SPOCK1: variants seen among roughly 807,000 people sequenced by gnomAD.
SPOCK1 encodes testican-1.
SPOCK1 carries 23 observed loss-of-function variants against 55.3 expected under a neutral mutation model. The ratio of observed to expected loss-of-function variants is 0.42; its 90% confidence interval spans 0.30 to 0.59. SPOCK1 has a LOEUF of 0.59. SPOCK1 is among the 20% of genes least tolerant of loss of function. SPOCK1 has a pLI of 0.22. For missense variants in SPOCK1, 499 were observed against 552.5 expected (o/e 0.90, Z 0.97); for synonymous variants, 226 against 221.0 (o/e 1.02, Z -0.20).
intron 6 of SPOCK1, among the ~76,000 whole-genome samples, chr5:137,066,987 C>CACACACACAGAGAGAGAGAG (rs1343691789): frequency 5.2e-4 from 73 of 139,642 alleles, no homozygotes; most frequent in Middle Eastern, 7.6e-3. Flanking sequence ...CACACACACA[C>CACACACACAGAGAGAGAGAG]AGAGAGAGAG....
chr5:137,207,192 C>A (rs995503377), intron 3 of SPOCK1, among the ~76,000 whole-genome samples: 2 of 152,204 alleles, frequency 1.3e-5, no homozygotes, highest in Non-Finnish European at 2.9e-5. Context: ...TGATGAGTTC[C>A]TTCCACGCCT....
At chr5:137,285,613 C>T (rs1416700712) in intron 2 of SPOCK1, among the ~76,000 whole-genome samples, 2 of 152,240 alleles carry the variant, frequency 1.3e-5, no homozygotes, top group Non-Finnish European at 2.9e-5. Flanking sequence ...ACTATTAGCA[C>T]AGAAGGTCCT....
chr5:137,474,142 T>TGGTGCAGCGC (rs1753790127), intron 2 of SPOCK1, among the ~76,000 whole-genome samples: 1 of 151,806 alleles, frequency 6.6e-6, no homozygotes, highest in Non-Finnish European at 1.5e-5. Context: ...CGGTGCAGCG[T>TGGTGCAGCGC]ATGGTGCACC....
At chr5:137,375,027 T>C (rs575959362) in intron 2 of SPOCK1, among the ~76,000 whole-genome samples, 1 of 152,280 alleles carries the variant, frequency 6.6e-6, no homozygotes, top group Non-Finnish European at 1.5e-5. Context: ...TTTATCTGTT[T>C]CCTATGAATG....
intron 2 of SPOCK1, among the ~76,000 whole-genome samples, chr5:137,377,776 C>T (rs1349023279): frequency 6.6e-6 from 1 of 152,122 alleles, no homozygotes; most frequent in Non-Finnish European, 1.5e-5. Context: ...AACCCCTTGA[C>T]ATTCTCTACA....
intron 2 of SPOCK1, among the ~76,000 whole-genome samples, chr5:137,414,437 T>C (rs1639036274): frequency 6.6e-6 from 1 of 152,242 alleles, no homozygotes; most frequent in Non-Finnish European, 1.5e-5. Context: ...TAAATTCACT[T>C]ATTCAGTAGA....
At chr5:137,304,894 A>G (rs1384018560) in intron 2 of SPOCK1, among the ~76,000 whole-genome samples, 1 of 152,096 alleles carries the variant, frequency 6.6e-6, no homozygotes, top group East Asian at 1.9e-4. Flanking sequence ...GGGAGAGTGC[A>G]TCAGCTTCCT....
chr5:137,493,368 G>C (rs1437268087), intron 2 of SPOCK1, among the ~76,000 whole-genome samples: 2 of 152,174 alleles, frequency 1.3e-5, no homozygotes, highest in African/African-American at 2.4e-5. Context: ...TCCATTTGGA[G>C]CCACTTCTTG....
intron 2 of SPOCK1, among the ~76,000 whole-genome samples, chr5:137,303,459 C>T (rs1236196808): frequency 1.3e-5 from 2 of 152,146 alleles, no homozygotes; most frequent in African/African-American, 4.8e-5. Flanking sequence ...AATCTTCACA[C>T]ATAGACACAC....
intron 2 of SPOCK1, among the ~76,000 whole-genome samples, chr5:137,488,919 C>G (rs939657436): frequency 2.6e-5 from 4 of 152,158 alleles, no homozygotes; most frequent in Non-Finnish European, 4.4e-5. Flanking sequence ...CCCTTCCTCC[C>G]TTTCCCCAAA....
intron 2 of SPOCK1, among the ~76,000 whole-genome samples, chr5:137,281,595 T>C (rs1205218199): frequency 6.6e-6 from 1 of 152,150 alleles, no homozygotes; most frequent in African/African-American, 2.4e-5. Context: ...ATGCCAGAAA[T>C]ATGCAGGAGA....
At chr5:137,138,024 C>A (rs1358952331) in intron 4 of SPOCK1, among the ~76,000 whole-genome samples, 2 of 151,896 alleles carry the variant, frequency 1.3e-5, no homozygotes, top group African/African-American at 4.8e-5. Context: ...ATCCATAAAC[C>A]CTCCCTGTAA....
At chr5:137,204,098 C>G (rs1755477929) in intron 3 of SPOCK1, among the ~76,000 whole-genome samples, 1 of 152,190 alleles carries the variant, frequency 6.6e-6, no homozygotes, top group South Asian at 2.1e-4. Context: ...CCAACCAGCT[C>G]TAGCCTTGTT....
intron 3 of SPOCK1, among the ~76,000 whole-genome samples, chr5:137,256,339 T>C (rs1316746681): frequency 6.6e-6 from 1 of 152,170 alleles, no homozygotes; most frequent in African/African-American, 2.4e-5. Flanking sequence ...GCTGCTGTAA[T>C]AGAGTATCAT....
intron 2 of SPOCK1, among the ~76,000 whole-genome samples, chr5:137,492,875 C>A (rs745889621): frequency 3.3e-5 from 5 of 152,232 alleles, no homozygotes; most frequent in Non-Finnish European, 5.9e-5. Flanking sequence ...TACCTCTACA[C>A]AGTGTAGCCC....
rs750005825 is a variant in SPOCK1, at chr5:137,315,145, T to C, written c.187-48090A>G. On this transcript the variant is annotated intron_variant, in intron 2 of 10. Transcript: ENST00000394945. ...GGCAAAAGCTAGAACTAGAACTATG[T>C]CAAGGAATAGTTTCACTGTCTTAGC... is the stretch of plus-strand genomic sequence containing the variant. Among the ~76,000 whole-genome samples the C allele has an allele frequency of 3.3e-5, 5 of 152,326 alleles. No individual in the cohort carries two copies. The South Asian group carries it at 1.0e-3, about 32-fold the overall frequency.
intron 2 of SPOCK1, among the ~76,000 whole-genome samples, chr5:137,385,008 T>C (rs1751569940): frequency 1.3e-5 from 2 of 152,298 alleles, no homozygotes; most frequent in Admixed American, 1.3e-4. Flanking sequence ...CATAATCACA[T>C]GGAGTTATTT....
chr5:137,299,296 T>C (rs543367552), intron 2 of SPOCK1, among the ~76,000 whole-genome samples: 1 of 152,230 alleles, frequency 6.6e-6, no homozygotes, highest in East Asian at 1.9e-4. Context: ...TGTTCATATA[T>C]ATGAATACAC....
chr5:137,200,932 G>C lies in SPOCK1; in HGVS notation c.233-60238C>G, dbSNP rs564372698. Among the ~76,000 whole-genome samples, 16 of 152,310 alleles carry C rather than the reference G, an allele frequency of 1.1e-4. No homozygotes were observed. The East Asian group carries it at 2.9e-3, about 28-fold the overall frequency. ...CTGTGAGTATGAATTGAAAAGTTGG[G>C]CCAGTGACACTGTGAATAGACCCTG... is the stretch of plus-strand genomic sequence containing the variant. On this transcript the variant is annotated intron_variant, in intron 3 of 10. Coordinates refer to ENST00000394945, the MANE Select transcript of SPOCK1 (RefSeq NM_004598.4).
Sources: allele counts gnomAD v4.1 joint callset (sites outside exome capture counted in the v4.1 genomes callset), GRCh38; gene constraint gnomAD v4.1.1; transcripts MANE v1.5; gene names NCBI Gene and HGNC (gene_info 2026-07-23, HGNC 2026-07-21).